Variants in RAD51B observed in about 807,000 individuals in gnomAD.
RAD51B encodes RAD51 paralog B, also known as DNA repair protein RAD51 homolog 2.
RAD51B carries 38 observed loss-of-function variants against 42.2 expected under a neutral mutation model. That is an observed-to-expected ratio of 0.90 (90% CI 0.70 to 1.18). The LOEUF is 1.18. Among genes scored for constraint, RAD51B ranks in the 50% most tolerant of loss-of-function variants. RAD51B has a pLI of 0.00. For missense variants in RAD51B, 373 were observed against 400.7 expected (o/e 0.93, Z 0.59); for synonymous variants, 154 against 145.2 (o/e 1.06, Z -0.43).
intron 7 of RAD51B, among the ~76,000 whole-genome samples, chr14:68,152,187 G>T (rs1355531901): frequency 6.6e-6 from 1 of 152,070 alleles, no homozygotes; most frequent in Non-Finnish European, 1.5e-5. Flanking sequence ...GCTTTGAAAT[G>T]ATTCCAGACA....
chr14:68,335,804 C>A (rs536341917), intron 8 of RAD51B, among the ~76,000 whole-genome samples: 1 of 152,236 alleles, frequency 6.6e-6, no homozygotes, highest in Non-Finnish European at 1.5e-5. Context: ...TTCTACAGAG[C>A]CTTCCCCATG....
chr14:68,480,279 G>C (rs1298152847), downstream of RAD51B, among the ~76,000 whole-genome samples: 1 of 152,104 alleles, frequency 6.6e-6, no homozygotes, highest in African/African-American at 2.4e-5. Flanking sequence ...GTTTCACCAT[G>C]TTGGCCAGGC....
chr14:68,580,069 A>G (rs757967680), intron 10 of RAD51B, among the ~76,000 whole-genome samples: 35 of 152,222 alleles, frequency 2.3e-4, no homozygotes, highest in Non-Finnish European at 4.4e-4. Context: ...CTGCCTATGA[A>G]GCACTGCTTT....
intron 8 of RAD51B, among the ~76,000 whole-genome samples, chr14:68,337,952 GTGTTT>G (rs920711765): frequency 6.6e-6 from 1 of 151,448 alleles, no homozygotes; most frequent in African/African-American, 2.4e-5. Context: ...TTTAGTTTTT[GTGTTT>G]TGTTTTGTTT....
At chr14:68,613,989 T>C (rs1211876327), downstream of RAD51B, among the ~76,000 whole-genome samples, 1 of 152,238 alleles carries the variant, frequency 6.6e-6, no homozygotes, top group Admixed American at 6.5e-5. Context: ...TGAACATGCT[T>C]TTTTATAAAC....
chr14:68,497,626 T>C, intron 10 of RAD51B: 1 of 740,446 alleles, frequency 1.4e-6, no homozygotes, highest in East Asian at 5.4e-5. Context: ...CTCTGTCTAG[T>C]TCCAAATATT....
intron 7 of RAD51B, among the ~76,000 whole-genome samples, chr14:68,259,580 TGAA>T (rs1174569065): frequency 2.0e-5 from 3 of 152,130 alleles, no homozygotes; most frequent in Non-Finnish European, 2.9e-5. Context: ...TTTAAGAGAC[TGAA>T]GAAGAATTAG....
intron 7 of RAD51B, among the ~76,000 whole-genome samples, chr14:68,083,728 A>G (rs1469372245): frequency 6.6e-6 from 1 of 152,216 alleles, no homozygotes; most frequent in East Asian, 1.9e-4. Flanking sequence ...ATGCAAGTAA[A>G]TCATATTAAT....
intron 9 of RAD51B, among the ~76,000 whole-genome samples, chr14:68,448,923 G>GA (rs768296491): frequency 1.3e-5 from 2 of 152,056 alleles, no homozygotes; most frequent in Non-Finnish European, 2.9e-5. Context: ...TAGTAGGAGG[G>GA]AAAATCCTCT....
intron 7 of RAD51B, among the ~76,000 whole-genome samples, chr14:68,226,670 A>G (rs1317469510): frequency 6.6e-6 from 1 of 152,204 alleles, no homozygotes. Flanking sequence ...CTGCAGGTCC[A>G]TTAAACCCTC....
At chr14:67,848,366 C>A (rs76574672) in intron 4 of RAD51B, among the ~76,000 whole-genome samples, 3 of 152,072 alleles carry the variant, frequency 2.0e-5, no homozygotes, top group South Asian at 2.1e-4. Context: ...CTTTCTTAGT[C>A]GTTATGGTTT....
intron 7 of RAD51B, among the ~76,000 whole-genome samples, chr14:68,174,696 C>T (rs532881679): frequency 1.3e-5 from 2 of 152,302 alleles, no homozygotes; most frequent in African/African-American, 4.8e-5. Flanking sequence ...TTCTAATATA[C>T]ACATGACTAA....
intron 10 of RAD51B, among the ~76,000 whole-genome samples, chr14:68,648,499 G>A (rs1892630639): frequency 6.6e-6 from 1 of 151,588 alleles, no homozygotes; most frequent in African/African-American, 2.4e-5. Context: ...CCATATAAAA[G>A]CTAAGTATTA....
intron 7 of RAD51B, among the ~76,000 whole-genome samples, chr14:68,093,822 A>C (rs553113513): frequency 4.6e-5 from 7 of 152,256 alleles, no homozygotes; most frequent in African/African-American, 1.7e-4. Flanking sequence ...TACTGCAAAC[A>C]ATGATGTGAG....
rs34247540 is a variant in RAD51B, at chr14:67,865,535, C to CTT, written c.452+416_452+417dup. ...TATAGGCGTGAGCCACTGTGCCTGGCTTTTTTTTTTTTTTTTTTTTTGAGA... is the reference window on the plus strand; with the variant it reads ...TATAGGCGTGAGCCACTGTGCCTGGCTTTTTTTTTTTTTTTTTTTTTTTGAGA... On this transcript the variant is annotated intron_variant, in intron 5 of 10. Transcript: ENST00000471583. Among the ~76,000 whole-genome samples the CTT allele has an allele frequency of 8.6e-3, 773 of 89,966 alleles. 44 individuals carry two copies. Among genetic ancestry groups the CTT allele is most frequent in the Middle Eastern group, 0.033 (3 of 92 alleles). The allele number at this position is 89,966 out of a possible 152,430, so 59.0% of individuals were successfully genotyped here. A position where few individuals can be genotyped will look rare whatever the true frequency, so the allele number is the denominator to read the frequency against.
At chr14:67,890,447 ACTT>A (rs2043184328) in intron 7 of RAD51B, among the ~76,000 whole-genome samples, 1 of 151,532 alleles carries the variant, frequency 6.6e-6, no homozygotes, top group African/African-American at 2.4e-5. Flanking sequence ...TGGACTGTAA[ACTT>A]CTTTTTATTT....
At chr14:68,445,413 G>A (rs1452918017) in intron 9 of RAD51B, among the ~76,000 whole-genome samples, 1 of 152,098 alleles carries the variant, frequency 6.6e-6, no homozygotes, top group East Asian at 1.9e-4. Flanking sequence ...CATTCATCAA[G>A]TACTTGACCA....
intron 3 of RAD51B, 38 bp from the exon 4 acceptor site, chr14:67,835,042 T>C: frequency 6.9e-7 from 1 of 1,453,678 alleles, no homozygotes; most frequent in Non-Finnish European, 9.5e-7. Context: ...TGAATATATA[T>C]AGAGGTTGAA....
At chr14:68,489,048 G>A (rs1883863117) in intron 10 of RAD51B, among the ~76,000 whole-genome samples, 1 of 152,022 alleles carries the variant, frequency 6.6e-6, no homozygotes, top group South Asian at 2.1e-4. Flanking sequence ...CCACCTCCCA[G>A]GTTCAAGCAA....
Sources: gnomAD v4.1 joint callset for allele counts (sites outside exome capture counted in the v4.1 genomes callset) on GRCh38, gnomAD v4.1.1 for gene constraint, MANE v1.5 for transcripts, NCBI Gene and HGNC (gene_info 2026-07-23, HGNC 2026-07-21) for gene names.